KLF17: variants seen among roughly 807,000 people sequenced by gnomAD.
KLF17 encodes Krueppel-like factor 17.
A neutral mutation model predicts 34.2 loss-of-function variants in KLF17; 31 were observed. The observed-to-expected ratio is 0.91, with a 90% CI of 0.68 to 1.22. The LOEUF is 1.22. Ranked by LOEUF, KLF17 falls within the 50% of genes most tolerant of loss-of-function variation. KLF17 has a pLI of 0.00. For synonymous variants in KLF17, 179 were observed against 186.7 expected, an observed-to-expected ratio of 0.96 and a Z score of 0.34; for missense variants, 478 against 505.2, an observed-to-expected ratio of 0.95 and a Z score of 0.52.
At chr1:44,130,365 G>T in intron 2 of KLF17, 147 bp from the exon 3 acceptor site, 1 of 1,367,698 alleles carries the variant, frequency 7.3e-7, no homozygotes. Flanking sequence ...CAAGATGACT[G>T]GGGCGGGCAC....
At chr1:44,069,660 A>G in the KLF17 span, among the ~76,000 whole-genome samples, 1 of 152,082 alleles carries the variant, frequency 6.6e-6, no homozygotes, top group African/African-American at 2.4e-5. This position sits in a 1 kb window ranked among gnomAD's most constrained non-coding sequence, Gnocchi z 4.7. Flanking sequence ...CACCTCCAAC[A>G]CTGGGGATCA....
the KLF17 span, among the ~76,000 whole-genome samples, chr1:44,085,561 G>A: frequency 7.9e-5 from 12 of 152,102 alleles, no homozygotes; most frequent in East Asian, 1.9e-4. Context: ...GGGAGACCAA[G>A]GTGGGAGGAT....
the KLF17 span, among the ~76,000 whole-genome samples, chr1:44,068,167 G>C: frequency 6.6e-6 from 1 of 152,108 alleles, no homozygotes; most frequent in African/African-American, 2.4e-5. Context: ...TAGGATTACA[G>C]GTGCATGTCA....
At chr1:44,094,251 G>T in the KLF17 span, among the ~76,000 whole-genome samples, 1 of 151,754 alleles carries the variant, frequency 6.6e-6, no homozygotes, top group Admixed American at 6.6e-5. Flanking sequence ...TTAATCCCTT[G>T]TCAGATGGGT....
the KLF17 span, among the ~76,000 whole-genome samples, chr1:44,090,306 CAAAA>C: frequency 0.011 from 261 of 23,198 alleles, no homozygotes; most frequent in African/African-American, 0.043. Context: ...CTTGTCTCTA[CAAAA>C]AAAAAAAAAA....
At chr1:44,095,523 C>G in the KLF17 span, among the ~76,000 whole-genome samples, 1 of 151,814 alleles carries the variant, frequency 6.6e-6, no homozygotes. Flanking sequence ...CCTTTTATAT[C>G]TTTTTTTTAA....
the KLF17 span, among the ~76,000 whole-genome samples, chr1:44,062,987 T>C: frequency 1.3e-5 from 2 of 152,122 alleles, no homozygotes; most frequent in African/African-American, 4.8e-5. Flanking sequence ...AACAACCCAA[T>C]GCGCATCAGC....
At chr1:44,076,120 C>T in the KLF17 span, 3 of 152,228 alleles carry the variant, frequency 2.0e-5, no homozygotes, top group African/African-American at 4.8e-5. Context: ...CACCTGTCTA[C>T]ATTCAGATTT....
chr1:44,122,334 A>C, intron 1 of KLF17: 1 of 1,604,686 alleles, frequency 6.2e-7, no homozygotes, highest in Non-Finnish European at 8.5e-7. Flanking sequence ...ATTTCCTCGA[A>C]TACTCAGCGT....
chr1:44,111,048 G>A, the KLF17 span, among the ~76,000 whole-genome samples: 1 of 152,120 alleles, frequency 6.6e-6, no homozygotes, highest in Non-Finnish European at 1.5e-5. Context: ...ATGCAGTGGT[G>A]TGACCATGGC....
chr1:44,080,530 A>C, the KLF17 span, among the ~76,000 whole-genome samples: 15 of 152,038 alleles, frequency 9.9e-5, no homozygotes. Flanking sequence ...GAGCCACAGC[A>C]CCAGGCTCTC....
chr1:44,070,712 C>T, the KLF17 span, among the ~76,000 whole-genome samples: 3 of 150,976 alleles, frequency 2.0e-5, no homozygotes, highest in African/African-American at 4.9e-5. Flanking sequence ...TCCCACCTCC[C>T]TTGTCTTTAT....
intron 1 of KLF17, among the ~76,000 whole-genome samples, chr1:44,121,439 A>G (rs922616133): frequency 6.6e-6 from 1 of 152,222 alleles, no homozygotes; most frequent in East Asian, 1.9e-4. Context: ...ATTATCTTAG[A>G]TGCAAGCCTT....
At chr1:44,102,309 A>G in the KLF17 span, among the ~76,000 whole-genome samples, 1 of 152,016 alleles carries the variant, frequency 6.6e-6, no homozygotes, top group Non-Finnish European at 1.5e-5. Context: ...TGAGGTGGGC[A>G]GATCACTTAA....
chr1:44,104,183 C>T, the KLF17 span: 28 of 1,068,576 alleles, frequency 2.6e-5, no homozygotes, highest in Middle Eastern at 1.3e-3. Context: ...CCACATCCTT[C>T]TTGATGAGGA....
At chr1:44,102,896 T>C in the KLF17 span, among the ~76,000 whole-genome samples, 2 of 152,234 alleles carry the variant, frequency 1.3e-5, no homozygotes, top group South Asian at 2.1e-4. Context: ...TATAATATAA[T>C]ATAATAAGCT....
rs1029690568 is a variant in KLF17 at position 44,128,019 on chromosome 1, G to A, written c.82-1334G>A. ...ATTGAAGAGTGAATAGGAGATGATA[G>A]GATAGCTTTATTCGTTTCTCAACTC... On this transcript the variant is annotated intron_variant, in intron 1 of 3. Transcript: ENST00000372299. 4.0e-5 allele frequency among the ~76,000 whole-genome samples: 6 copies of A among 151,672 alleles called. No individual in the cohort carries two copies. In the East Asian group the frequency reaches 9.7e-4, roughly 25 times the overall value.
the KLF17 span, among the ~76,000 whole-genome samples, chr1:44,050,202 G>C: frequency 6.6e-6 from 1 of 152,308 alleles, no homozygotes; most frequent in East Asian, 1.9e-4. Flanking sequence ...ACAGAAATTG[G>C]CAACTTTTAC....
the KLF17 span, among the ~76,000 whole-genome samples, chr1:44,068,857 C>T: frequency 4.1e-4 from 62 of 152,246 alleles, no homozygotes; most frequent in Non-Finnish European, 1.9e-4. Context: ...ATAGTTTGTC[C>T]CCTGGCCCAT....
Sources: allele counts gnomAD v4.1 joint callset (sites outside exome capture counted in the v4.1 genomes callset), GRCh38; gene constraint gnomAD v4.1.1; non-coding constraint Gnocchi (gnomAD v3.1); transcripts MANE v1.5; gene names NCBI Gene and HGNC (gene_info 2026-07-23, HGNC 2026-07-21).